Variants in PCYT1A observed in about 807,000 individuals in gnomAD.
The protein encoded by PCYT1A is phosphate cytidylyltransferase 1A, choline.
PCYT1A carries 25 observed loss-of-function variants against 43.7 expected under a neutral mutation model. The ratio of observed to expected loss-of-function variants is 0.57; its 90% CI spans 0.42 to 0.80. The LOEUF (loss-of-function observed/expected upper bound fraction) is 0.80. PCYT1A is among the 30% of genes least tolerant of loss of function. The probability of loss-of-function intolerance (pLI) is 0.00; values close to 1 mark genes in which losing one functional copy is unlikely to be tolerated. For missense variants in PCYT1A, 421 were observed against 474.2 expected, an observed-to-expected ratio of 0.89 and a Z score of 1.04; for synonymous variants, 172 against 170.7, an observed-to-expected ratio of 1.01 and a Z score of -0.06.
At position 196,242,419 on chromosome 3, in the gene PCYT1A, A is replaced by G. The variant is rs139674260; in HGVS notation, c.565+143T>C. 62 of 736,476 alleles carry G rather than the reference A, an allele frequency of 8.4e-5. No individual in the cohort carries two copies. The highest frequency in any genetic ancestry group is 1.5e-4 in the Non-Finnish European group (61 of 398,978). 45.6% of individuals were successfully genotyped at this position (736,476 alleles called of 1,614,324 possible). ...CAAAGAATTGATGGGTGCTATGCTC[A>G]TCTTTACCTTTTATCCAAAATGTGG... is the stretch of plus-strand genomic sequence containing the variant. On this transcript the variant is annotated intron_variant, in intron 6 of 8. Coordinates refer to ENST00000431016, the MANE Select transcript of PCYT1A (RefSeq NM_001312673.2). The surrounding 1 kb of genome is among the most constrained non-coding windows in gnomAD (Gnocchi z 4.2).
chr3:196,266,573 A>C (rs549138670), intron 2 of PCYT1A, among the ~76,000 whole-genome samples: 1 of 151,918 alleles, frequency 6.6e-6, no homozygotes, highest in Non-Finnish European at 1.5e-5. Context: ...TATATGATGG[A>C]ATGTTATTTG....
chr3:196,248,453 C>T, intron 3 of PCYT1A, 130 bp from the exon 4 acceptor site: 1 of 511,888 alleles, frequency 2.0e-6, no homozygotes, highest in Non-Finnish European at 3.6e-6. Flanking sequence ...CTCACTGCAA[C>T]TTCCGCCTCC....
At position 196,273,990 on chromosome 3, in the gene PCYT1A, C is replaced by T. The variant is rs1277631228; in HGVS notation, c.-10-3449G>A. 6.6e-6 allele frequency among the ~76,000 whole-genome samples: 1 copy of T among 152,256 alleles called. No individual in the cohort carries two copies. Among genetic ancestry groups the T allele is most frequent in the Non-Finnish European group, 1.5e-5 (1 of 68,040 alleles). ...GGCCTGAATGGAGCTGCTCTCAGCT[C>T]CGCCTTGGCGTCCCCTCCTGTGCTG... On this transcript the variant is annotated intron_variant, in intron 1 of 8. Coordinates refer to ENST00000431016, the MANE Select transcript of PCYT1A (RefSeq NM_001312673.2). This position sits in a 1 kb window ranked among gnomAD's most constrained non-coding sequence, Gnocchi z 4.1.
At chr3:196,254,104 G>A (rs1326046234) in intron 3 of PCYT1A, among the ~76,000 whole-genome samples, 2 of 150,506 alleles carry the variant, frequency 1.3e-5, no homozygotes, top group South Asian at 2.1e-4. Flanking sequence ...TAGGCTCACT[G>A]CAACCTCTGC....
chr3:196,259,085 A>T (rs1725031841), intron 2 of PCYT1A, among the ~76,000 whole-genome samples: 1 of 151,988 alleles, frequency 6.6e-6, no homozygotes, highest in Non-Finnish European at 1.5e-5. Context: ...CGGCACGATC[A>T]TAGCTCTCTG....
rs898419230 is a variant in PCYT1A, at chr3:196,239,825, A to G, written c.709-90T>C. The G allele has an allele frequency of 4.9e-6, 4 of 811,260 alleles. No individual in the cohort carries two copies. The African/African-American group carries it at 6.8e-5, about 14-fold the overall frequency. 50.3% of individuals were successfully genotyped at this position (811,260 alleles called of 1,614,324 possible). A position where few individuals can be genotyped will look rare whatever the true frequency, so the allele number is the denominator to read the frequency against. On this transcript the variant is annotated intron_variant, in intron 7 of 8. Coordinates refer to ENST00000431016, the MANE Select transcript of PCYT1A (RefSeq NM_001312673.2). Reference sequence around the variant, plus strand: ...CGAAAAAACATGGCTCAAGCACTCAATTGACACTGTTTTCAGTCTAGAATT... The same window carrying G: ...CGAAAAAACATGGCTCAAGCACTCAGTTGACACTGTTTTCAGTCTAGAATT...
At chr3:196,251,066 A>G (rs1056725869) in intron 3 of PCYT1A, among the ~76,000 whole-genome samples, 1 of 150,934 alleles carries the variant, frequency 6.6e-6, no homozygotes, top group Non-Finnish European at 1.5e-5. Flanking sequence ...GACCAGATAC[A>G]CCATGCTGAG....
At position 196,267,005 on chromosome 3, in the gene PCYT1A, T is replaced by C. The variant is rs1384164873; in HGVS notation, c.117+3410A>G. Reference sequence around the variant, plus strand: ...GGCTAACATGGTGAAACCCCGTCTCTACCAAAAATAAAAATTAAAAAAAAT... The same window carrying C: ...GGCTAACATGGTGAAACCCCGTCTCCACCAAAAATAAAAATTAAAAAAAAT... On this transcript the variant is annotated intron_variant, in intron 2 of 8. Coordinates refer to ENST00000431016, the MANE Select transcript of PCYT1A (RefSeq NM_001312673.2). Among the ~76,000 whole-genome samples, 4 of 151,526 alleles carry C rather than the reference T, an allele frequency of 2.6e-5. No homozygotes were observed. The East Asian group carries it at 5.8e-4, about 22-fold the overall frequency.
Position 196,239,535 on chromosome 3 carries a change from GA to G in PCYT1A, c.897+11del. On this transcript the variant is annotated intron_variant, in intron 8 of 8. Transcript: ENST00000431016. ...TGGAACTCCCTACATTGTCCAGTGG[GA>G]AAGAACATACCAGTGCTCCTTCCGG... 6.3e-7 allele frequency: 1 copy of G among 1,575,166 alleles called. No homozygotes were observed.
intron 3 of PCYT1A, among the ~76,000 whole-genome samples, chr3:196,253,011 T>A (rs929129120): frequency 6.6e-6 from 1 of 152,172 alleles, no homozygotes; most frequent in African/African-American, 2.4e-5. Flanking sequence ...AATCACTGCA[T>A]TGGCTCTATG....
At chr3:196,270,600 C>T in intron 1 of PCYT1A, 59 bp from the exon 2 acceptor site, 1 of 1,072,362 alleles carries the variant, frequency 9.3e-7, no homozygotes, top group Non-Finnish European at 1.5e-6. Flanking sequence ...AGTTTGTCAC[C>T]AGTATTTCAG....
chr3:196,279,826 CTT>C (rs397723929), intron 1 of PCYT1A, among the ~76,000 whole-genome samples: 585 of 51,008 alleles, frequency 0.011, 3 homozygotes, highest in African/African-American at 0.042. Context: ...CCAGTCCTTT[CTT>C]TTTTTTTTTT....
At position 196,242,244 on chromosome 3, in the gene PCYT1A, G is replaced by A. The variant is rs984270588; in HGVS notation, c.566-154C>T. 2 of 733,798 alleles carry A rather than the reference G, an allele frequency of 2.7e-6. No individual in the cohort carries two copies. The highest frequency in any genetic ancestry group is 4.5e-6 in the Non-Finnish European group (2 of 440,062). 45.5% of individuals were successfully genotyped at this position (733,798 alleles called of 1,614,324 possible). A position where few individuals can be genotyped will look rare whatever the true frequency, so the allele number is the denominator to read the frequency against. On this transcript the variant is annotated intron_variant, in intron 6 of 8. Transcript: ENST00000431016. The surrounding 1 kb of genome is among the most constrained non-coding windows in gnomAD (Gnocchi z 4.2). ...AACTGAAAGATACTGATATACAGAA[G>A]GTAGACCGAATCAAAGGCCAGAGGT...
chr3:196,237,728 C>T lies in PCYT1A; in HGVS notation c.*960G>A, dbSNP rs1724208597. 1 of 152,128 alleles carries T rather than the reference C, an allele frequency of 6.6e-6. No individual in the cohort carries two copies. Among genetic ancestry groups the T allele is most frequent in the African/African-American group, 2.4e-5 (1 of 41,426 alleles). 9.4% of individuals were successfully genotyped at this position (152,128 alleles called of 1,614,324 possible). Reference sequence around the variant, plus strand: ...CCAACAGCAGACATTTACAAAGTATCCTTTGTAAAAGGCTAGGTAATATTA... The same window carrying T: ...CCAACAGCAGACATTTACAAAGTATTCTTTGTAAAAGGCTAGGTAATATTA... On this transcript the variant is annotated 3_prime_UTR_variant, in exon 9 of 9. Transcript: ENST00000431016.
rs1724205938 is a variant in PCYT1A at position 196,237,581 on chromosome 3, G to A, written c.*1107C>T. Reference sequence around the variant, plus strand: ...TCCAGGGAAGAATGTTCTGAAGAGGGACAGAGGTCAAGGTGATAAGGCTGT... The same window carrying A: ...TCCAGGGAAGAATGTTCTGAAGAGGAACAGAGGTCAAGGTGATAAGGCTGT... On this transcript the variant is annotated 3_prime_UTR_variant, in exon 9 of 9. Coordinates refer to ENST00000431016, the MANE Select transcript of PCYT1A (RefSeq NM_001312673.2). 1 of 152,292 alleles carries A rather than the reference G, an allele frequency of 6.6e-6. No individual in the cohort carries two copies. The highest frequency in any genetic ancestry group is 6.5e-5 in the Admixed American group (1 of 15,278). 9.4% of individuals were successfully genotyped at this position (152,292 alleles called of 1,614,324 possible).
chr3:196,238,778 GA>G lies in PCYT1A; in HGVS notation c.1013del (p.Phe338SerfsTer159). On this transcript the variant is annotated frameshift_variant, in exon 9 of 9. Coordinates refer to ENST00000431016, the MANE Select transcript of PCYT1A (RefSeq NM_001312673.2). LOFTEE classifies it high-confidence loss of function. ...AGCAAGGTGGGGAAGTCTTGCCGGA[GA>G]AGGGCCATCGGAAAGAGGGGGAGGG... ...RSPSPSFRWP[F>X]SGKTSPPCSP... is the part of the protein sequence containing the mutation. 1 of 1,589,642 alleles carries G rather than the reference GA, an allele frequency of 6.3e-7. No homozygotes were observed. The highest frequency in any genetic ancestry group is 2.4e-5 in the East Asian group (1 of 41,744).
chr3:196,241,817 T>C lies in PCYT1A; in HGVS notation c.708+131A>G, dbSNP rs894481977. On this transcript the variant is annotated intron_variant, in intron 7 of 8. Transcript: ENST00000431016. ...TTCTTTTTGTGAACAGTTAACATAG[T>C]GGTAATTCATTCACTGAACTTTTGG... The C allele has an allele frequency of 9.9e-6, 12 of 1,216,616 alleles. No individual in the cohort carries two copies. The African/African-American group carries it at 1.8e-4, about 18-fold the overall frequency. The allele number at this position is 1,216,616 out of a possible 1,614,324, so 75.4% of individuals were successfully genotyped here.
Position 196,282,529 on chromosome 3 carries a change from A to G in PCYT1A, c.-11+5086T>C, listed in dbSNP as rs1725798094. On this transcript the variant is annotated intron_variant, in intron 1 of 8. Transcript: ENST00000431016. This position sits in a 1 kb window ranked among gnomAD's most constrained non-coding sequence, Gnocchi z 4.3. ...ACAGCAGTAATAGCAGACTTATTAGACAAATGGATTTGTTACCAGTAGAAA... is the reference window on the plus strand; with the variant it reads ...ACAGCAGTAATAGCAGACTTATTAGGCAAATGGATTTGTTACCAGTAGAAA... 6.6e-6 allele frequency among the ~76,000 whole-genome samples: 1 copy of G among 152,248 alleles called. No individual in the cohort carries two copies. The highest frequency in any genetic ancestry group is 1.5e-5 in the Non-Finnish European group (1 of 68,036).
At chr3:196,248,419 T>C (rs1724638451) in intron 3 of PCYT1A, 96 bp from the exon 4 acceptor site, 1 of 657,442 alleles carries the variant, frequency 1.5e-6, no homozygotes, top group South Asian at 1.6e-5. Context: ...TCACCCAGGC[T>C]GGAGTGCAGT....
Sources: gnomAD v4.1 joint callset for allele counts (sites outside exome capture counted in the v4.1 genomes callset) on GRCh38, gnomAD v4.1.1 for gene constraint, Gnocchi (gnomAD v3.1) non-coding constraint, MANE v1.5 for transcripts, NCBI Gene and HGNC (gene_info 2026-07-23, HGNC 2026-07-21) for gene names.